PTPRR: variants seen among roughly 807,000 people sequenced by gnomAD.
PTPRR encodes protein tyrosine phosphatase receptor type R.
In PTPRR, 38 loss-of-function variants were observed where a neutral mutation model predicts 77.2. The ratio of observed to expected loss-of-function variants is 0.49; its 90% CI spans 0.38 to 0.65. The LOEUF is 0.65. PTPRR is among the 30% of genes least tolerant of loss of function. The probability of loss-of-function intolerance (pLI) is 0.00; values close to 1 mark genes in which losing one functional copy is unlikely to be tolerated. For missense variants in PTPRR, 744 were observed against 799.2 expected, an observed-to-expected ratio of 0.93 and a Z score of 0.83; for synonymous variants, 299 against 283.1, an observed-to-expected ratio of 1.06 and a Z score of -0.57.
rs143133381 is a variant in PTPRR at position 70,827,461 on chromosome 12, A to C, written c.358-62683T>G. Among the ~76,000 whole-genome samples, 588 of 152,232 alleles carry C rather than the reference A, an allele frequency of 3.9e-3. 6 individuals carry two copies. The highest frequency in any genetic ancestry group is 0.014 in the African/African-American group (564 of 41,556). Reference sequence around the variant, plus strand: ...AAGGCCCAGTTCCTCGTTCATAGACAGTTGTCTTCTTGCTGGGTCCTCACA... The same window carrying C: ...AAGGCCCAGTTCCTCGTTCATAGACCGTTGTCTTCTTGCTGGGTCCTCACA... On this transcript the variant is annotated intron_variant, in intron 2 of 13. Transcript: ENST00000283228.
intron 8 of PTPRR, among the ~76,000 whole-genome samples, chr12:70,685,473 C>CAAAAAAAAA (rs61205959): frequency 6.6e-5 from 4 of 60,976 alleles, no homozygotes; most frequent in Non-Finnish European, 8.8e-5. Context: ...GACTTCATCT[C>CAAAAAAAAA]AAAAAAAAAA....
intron 10 of PTPRR, among the ~76,000 whole-genome samples, chr12:70,663,585 T>G (rs888943714): frequency 2.0e-5 from 3 of 152,218 alleles, no homozygotes; most frequent in Non-Finnish European, 1.5e-5. Flanking sequence ...TTATCATTAT[T>G]AAATAAAAAT....
intron 8 of PTPRR, among the ~76,000 whole-genome samples, chr12:70,690,122 G>C (rs1319400420): frequency 6.6e-6 from 1 of 152,158 alleles, no homozygotes; most frequent in East Asian, 1.9e-4. Flanking sequence ...CCATGCAAAG[G>C]TAATACCCTA....
intron 2 of PTPRR, among the ~76,000 whole-genome samples, chr12:70,789,690 C>A (rs1185167302): frequency 1.3e-5 from 2 of 151,924 alleles, no homozygotes; most frequent in Non-Finnish European, 2.9e-5. Context: ...AGCTAATAGT[C>A]TGATAGAAAA....
At chr12:70,821,104 G>A (rs1315693392) in intron 2 of PTPRR, among the ~76,000 whole-genome samples, 1 of 151,598 alleles carries the variant, frequency 6.6e-6, no homozygotes, top group Non-Finnish European at 1.5e-5. Flanking sequence ...TACTAGACTG[G>A]TTGTCCATAT....
chr12:70,645,358 G>A (rs1167770672), intron 13 of PTPRR, among the ~76,000 whole-genome samples: 1 of 152,174 alleles, frequency 6.6e-6, no homozygotes, highest in African/African-American at 2.4e-5. Context: ...AAAACTCTTG[G>A]CACAGTAACT....
chr12:70,711,410 G>A (rs1251152009), intron 6 of PTPRR, among the ~76,000 whole-genome samples: 1 of 151,980 alleles, frequency 6.6e-6, no homozygotes, highest in Non-Finnish European at 1.5e-5. Flanking sequence ...AGTGGGAGGA[G>A]GAAGAGGATC....
At chr12:70,827,444 G>T (rs1191401193) in intron 2 of PTPRR, among the ~76,000 whole-genome samples, 1 of 152,164 alleles carries the variant, frequency 6.6e-6, no homozygotes, top group Admixed American at 6.5e-5. Flanking sequence ...TAAAGGCCCA[G>T]TTCCTCGTTC....
intron 2 of PTPRR, among the ~76,000 whole-genome samples, chr12:70,800,814 G>A (rs1891601413): frequency 6.6e-6 from 1 of 151,788 alleles, no homozygotes; most frequent in African/African-American, 2.4e-5. Flanking sequence ...AGAATCGCTT[G>A]AACCCGGGTG....
chr12:70,889,112 A>T, intron 2 of PTPRR, among the ~76,000 whole-genome samples: 1 of 152,356 alleles, frequency 6.6e-6, no homozygotes, highest in Non-Finnish European at 1.5e-5. Context: ...GTCATCACTT[A>T]CAACAACATA....
rs543652728 is a variant in PTPRR, at chr12:70,714,871, G to T, written c.1008-13548C>A. Among the ~76,000 whole-genome samples, 7 of 152,196 alleles carry T rather than the reference G, an allele frequency of 4.6e-5. No homozygotes were observed. The South Asian group carries it at 1.5e-3, about 32-fold the overall frequency. On this transcript the variant is annotated intron_variant, in intron 6 of 13. Coordinates refer to ENST00000283228, the MANE Select transcript of PTPRR (RefSeq NM_002849.4). The stretch of plus-strand genomic sequence containing the variant: ...ATGGTGGTGTGTTCCTGTAGTTCCA[G>T]CCACCTGGGAGGCTGAGTGGGAAGA...
chr12:70,703,050 A>G (rs537392864), intron 6 of PTPRR, among the ~76,000 whole-genome samples: 2 of 143,868 alleles, frequency 1.4e-5, no homozygotes, highest in East Asian at 4.0e-4. Context: ...TTTTTTTTCT[A>G]CTGGATTTGT....
intron 3 of PTPRR, among the ~76,000 whole-genome samples, chr12:70,763,504 C>T (rs879320481): frequency 5.9e-5 from 9 of 152,106 alleles, no homozygotes; most frequent in Non-Finnish European, 1.2e-4. Context: ...TTGTTTACTT[C>T]TAGAACATTG....
intron 6 of PTPRR, among the ~76,000 whole-genome samples, chr12:70,719,259 A>G: frequency 6.6e-6 from 1 of 152,262 alleles, no homozygotes; most frequent in East Asian, 1.9e-4. Context: ...TCCCTCTTCT[A>G]ATCATGCTTT....
intron 2 of PTPRR, among the ~76,000 whole-genome samples, chr12:70,879,779 A>C (rs1735721047): frequency 6.6e-6 from 1 of 152,224 alleles, no homozygotes; most frequent in Admixed American, 6.5e-5. Context: ...TTTAGACAGA[A>C]TATGTTACAG....
intron 12 of PTPRR, among the ~76,000 whole-genome samples, chr12:70,660,280 G>A (rs1184637185): frequency 6.6e-6 from 1 of 151,696 alleles, no homozygotes; most frequent in African/African-American, 2.4e-5. Flanking sequence ...GAAAATTAGG[G>A]GAAGGAGGTA....
At chr12:70,885,262 T>G (rs1281994576) in intron 2 of PTPRR, among the ~76,000 whole-genome samples, 2 of 152,126 alleles carry the variant, frequency 1.3e-5, no homozygotes, top group African/African-American at 4.8e-5. Flanking sequence ...TCAGGATGAG[T>G]GGCCTTAAAT....
intron 6 of PTPRR, among the ~76,000 whole-genome samples, chr12:70,721,221 G>A (rs979269418): frequency 1.3e-5 from 2 of 152,198 alleles, no homozygotes; most frequent in Non-Finnish European, 2.9e-5. Flanking sequence ...ATACCGAGGA[G>A]TTAGAAATAT....
chr12:70,687,932 G>A lies in PTPRR; in HGVS notation c.1280-3149C>T, dbSNP rs147304116. ...TCTTGTCCTTCAGAGCTTTCAAAAT[G>A]TAGACCCTATGGAGATGGAAGCTAG... is the stretch of plus-strand genomic sequence containing the variant. On this transcript the variant is annotated intron_variant, in intron 8 of 13. Transcript: ENST00000283228. Among the ~76,000 whole-genome samples, 506 of 152,228 alleles carry A rather than the reference G, an allele frequency of 3.3e-3. 3 individuals are homozygous for A. The highest frequency in any genetic ancestry group is 0.011 in the African/African-American group (459 of 41,566).
Sources: gnomAD v4.1 joint callset for allele counts (sites outside exome capture counted in the v4.1 genomes callset) on GRCh38, gnomAD v4.1.1 for gene constraint, MANE v1.5 for transcripts, NCBI Gene and HGNC (gene_info 2026-07-23, HGNC 2026-07-21) for gene names.